EHD2: variants seen among roughly 807,000 people sequenced by gnomAD.
EHD2 encodes the protein EH domain containing 2.
Under a neutral mutation model 41.0 loss-of-function variants are expected in EHD2, and 27 were observed. That is an observed-to-expected ratio of 0.66 (90% CI 0.49 to 0.91). The LOEUF is 0.91. Among genes scored for constraint, EHD2 ranks in the 40% least tolerant of loss-of-function variants. The probability of loss-of-function intolerance (pLI) is 0.00; values close to 1 mark genes in which losing one functional copy is unlikely to be tolerated. For missense variants in EHD2, 673 were observed against 773.9 expected (o/e 0.87, Z 1.55); for synonymous variants, 342 against 341.0 (o/e 1.00, Z -0.03).
chr19:47,717,302 G>C (rs1973639590), intron 2 of EHD2, among the ~76,000 whole-genome samples: 1 of 152,014 alleles, frequency 6.6e-6, no homozygotes, highest in South Asian at 2.1e-4. Flanking sequence ...ACCTGCCTCA[G>C]CCTCCCAAAG....
chr19:47,739,274 ATTTTTTTTTTTTTT>A (rs57266469), intron 5 of EHD2, among the ~76,000 whole-genome samples: 7 of 116,060 alleles, frequency 6.0e-5, no homozygotes, highest in South Asian at 3.0e-4. Flanking sequence ...CTAATTTTTA[ATTTTTTTTTTTTTT>A]TTTTTTTTTT....
At chr19:47,731,724 GC>G (rs1426593622) in intron 4 of EHD2, among the ~76,000 whole-genome samples, 1 of 151,276 alleles carries the variant, frequency 6.6e-6, no homozygotes, top group East Asian at 1.9e-4. Context: ...AGCTCCCAGG[GC>G]CTCTTTTCTA....
chr19:47,725,857 A>G lies in EHD2; in HGVS notation c.548A>G (p.Asp183Gly), dbSNP rs754731075. 1.2e-6 allele frequency: 2 copies of G among 1,610,288 alleles called. No homozygotes were observed. The highest frequency in any genetic ancestry group is 1.3e-5 in the African/African-American group (1 of 74,938). ...CTGCGCTGGTTCGCGGAGCGCGTGG[A>G]CCTCATCATCCTGCTCTTTGATGCG... Reference protein sequence around the residue: ...AVLRWFAERVDLIILLFDAHK... With the variant: ...AVLRWFAERVGLIILLFDAHK... Residue 183 changes from aspartate (D) to glycine (G), a missense_variant, in exon 4 of 6, where the codon GAC (aspartate) becomes GGC (glycine). By Grantham distance (94) the Asp-to-Gly change is moderately conservative. Coordinates refer to ENST00000263277, the MANE Select transcript of EHD2 (RefSeq NM_014601.4).
At position 47,741,685 on chromosome 19, in the gene EHD2, A is replaced by G; in HGVS notation, c.*253A>G. 1 of 631,532 alleles carries G rather than the reference A, an allele frequency of 1.6e-6. No individual in the cohort carries two copies. Among genetic ancestry groups the G allele is most frequent in the Non-Finnish European group, 2.8e-6 (1 of 353,344 alleles). The allele number at this position is 631,532 out of a possible 1,614,324, so 39.1% of individuals were successfully genotyped here. The stretch of plus-strand genomic sequence containing the variant: ...TTAGGCACATCACACACACACTGGC[A>G]CACGCAGGCATCCATCCATCCGTCA... On this transcript the variant is annotated 3_prime_UTR_variant, in exon 6 of 6. Coordinates refer to ENST00000263277, the MANE Select transcript of EHD2 (RefSeq NM_014601.4). The surrounding 1 kb of genome is among the most constrained non-coding windows in gnomAD (Gnocchi z 4.5).
chr19:47,724,740 C>G (rs1303563532), intron 3 of EHD2, among the ~76,000 whole-genome samples: 1 of 152,086 alleles, frequency 6.6e-6, no homozygotes, highest in Non-Finnish European at 1.5e-5. Flanking sequence ...ATGAGACTCT[C>G]AGTAAGTATT....
chr19:47,726,495 C>T (rs576095289), intron 4 of EHD2, among the ~76,000 whole-genome samples: 63 of 151,562 alleles, frequency 4.2e-4, no homozygotes, highest in Middle Eastern at 3.4e-3. Context: ...TCCTCCTTCT[C>T]TTCTTCTTCT....
In EHD2 at chr19:47,739,674, C is replaced by T; in HGVS notation, c.1081-1207C>T. ...TGTTGTCCAGGCTGGTCTTGCACTC[C>T]TGGGCTCAAGTGATTCTCCCACCTC... On this transcript the variant is annotated intron_variant, in intron 5 of 5. Transcript: ENST00000263277. 2.0e-5 allele frequency among the ~76,000 whole-genome samples: 3 copies of T among 150,550 alleles called. 1 individual carries two copies. In the East Asian group the frequency reaches 5.9e-4, roughly 29 times the overall value.
In EHD2 at chr19:47,741,052, CA is replaced by C; in HGVS notation, c.1253del (p.His418ProfsTer29). ...GCAGGGGGGCGCTTTTGAGGGCACC[CA>C]CATGGGCCCGTTTGTGGAGCGGGGA... ...GVQGGAFEGT[H>X]MGPFVERGPD... On this transcript the variant is annotated frameshift_variant, in exon 6 of 6. Coordinates refer to ENST00000263277, the MANE Select transcript of EHD2 (RefSeq NM_014601.4). LOFTEE classifies it high-confidence loss of function. The surrounding 1 kb of genome is among the most constrained non-coding windows in gnomAD (Gnocchi z 4.5). 1 of 1,609,510 alleles carries C rather than the reference CA, an allele frequency of 6.2e-7. No homozygotes were observed. Among genetic ancestry groups the C allele is most frequent in the Non-Finnish European group, 8.5e-7 (1 of 1,179,488 alleles).
Position 47,725,852 on chromosome 19 carries a change from C to G in EHD2, c.543C>G (p.Arg181=). ...CCGTGCTGCGCTGGTTCGCGGAGCG[C>G]GTGGACCTCATCATCCTGCTCTTTG... ...FPAVLRWFAE[R]VDLIILLFDA... Residue 181 remains arginine, a synonymous_variant, in exon 4 of 6, where the codon CGC becomes CGG. Transcript: ENST00000263277. 1 of 1,609,210 alleles carries G rather than the reference C, an allele frequency of 6.2e-7. No individual in the cohort carries two copies. The highest frequency in any genetic ancestry group is 1.7e-5 in the Admixed American group (1 of 59,848).
rs1973634877 is a variant in EHD2, at chr19:47,716,931, G to A, written c.319G>A (p.Gly107Ser). Residue 107 changes from glycine to serine, a missense_variant, in exon 2 of 6, where the codon GGC (glycine) becomes AGC (serine). Physicochemically the swap from Gly to Ser is moderately conservative, Grantham distance 56 (BLOSUM62 0). Coordinates refer to ENST00000263277, the MANE Select transcript of EHD2 (RefSeq NM_014601.4). The stretch of plus-strand genomic sequence containing the variant: ...GGCCGTCATGCACGGGGACACTGAG[G>A]GCACCGTGCCCGGCAACGCCCTCGT... Reference protein sequence around the residue: ...FVAVMHGDTEGTVPGNALVVD... With the variant: ...FVAVMHGDTESTVPGNALVVD... 2 of 1,610,166 alleles carry A rather than the reference G, an allele frequency of 1.2e-6. No individual in the cohort carries two copies. Among genetic ancestry groups the A allele is most frequent in the Admixed American group, 3.3e-5 (2 of 59,992 alleles).
chr19:47,714,974 G>C (rs1973609753), intron 1 of EHD2, among the ~76,000 whole-genome samples: 1 of 151,858 alleles, frequency 6.6e-6, no homozygotes, highest in African/African-American at 2.4e-5. Context: ...AGAGGTGAAG[G>C]CTGCAGTGAG....
chr19:47,734,077 G>A (rs558390911), intron 4 of EHD2, among the ~76,000 whole-genome samples: 1 of 152,330 alleles, frequency 6.6e-6, no homozygotes, highest in Non-Finnish European at 1.5e-5. Context: ...GGCAGGATGG[G>A]GAGCTGGGAG....
rs1222254841 is a variant in EHD2, at chr19:47,741,958, C to T, written c.*526C>T. The T allele has an allele frequency of 2.2e-6, 1 of 455,982 alleles. No individual in the cohort carries two copies. Among genetic ancestry groups the T allele is most frequent in the Non-Finnish European group, 4.4e-6 (1 of 226,888 alleles). The allele number at this position is 455,982 out of a possible 1,614,324, so 28.2% of individuals were successfully genotyped here. A position where few individuals can be genotyped will look rare whatever the true frequency, so the allele number is the denominator to read the frequency against. On this transcript the variant is annotated 3_prime_UTR_variant, in exon 6 of 6. Transcript: ENST00000263277. The surrounding 1 kb of genome is among the most constrained non-coding windows in gnomAD (Gnocchi z 4.5). ...AACAGACCCCCTTCTGCTCCGCTTC[C>T]TCCTGCCCAGCCAGGCAACACCCTC...
In EHD2 at chr19:47,741,125, C is replaced by A; in HGVS notation, c.1325C>A (p.Ala442Asp). 1 of 1,611,406 alleles carries A rather than the reference C, an allele frequency of 6.2e-7. No homozygotes were observed. The highest frequency in any genetic ancestry group is 8.5e-7 in the Non-Finnish European group (1 of 1,179,974). Residue 442 changes from alanine to aspartate, a missense_variant, in exon 6 of 6, where the codon GCC (alanine) becomes GAC (aspartate). Physicochemically the swap from Ala to Asp is moderately radical, Grantham distance 126. Coordinates refer to ENST00000263277, the MANE Select transcript of EHD2 (RefSeq NM_014601.4). The surrounding 1 kb of genome is among the most constrained non-coding windows in gnomAD (Gnocchi z 4.5). ...GGCGAGGAGGGCTCGGACGACGAGG[C>A]CGAGTGGGTGGTGACCAAGGACAAG... ...EDGEEGSDDE[A>D]EWVVTKDKSK...
At chr19:47,736,296 G>T in intron 4 of EHD2, 73 bp from the exon 5 acceptor site, 1 of 1,434,962 alleles carries the variant, frequency 7.0e-7, no homozygotes, top group Non-Finnish European at 9.5e-7. Context: ...CTGGGAGTGG[G>T]GCCTGCAGCC....
intron 1 of EHD2, among the ~76,000 whole-genome samples, chr19:47,716,180 G>A (rs997396069): frequency 3.4e-5 from 5 of 148,512 alleles, no homozygotes; most frequent in Admixed American, 6.9e-5. Flanking sequence ...CTGAGCTCAA[G>A]CAATCCTCCT....
At chr19:47,736,199 GA>G (rs931972020) in intron 4 of EHD2, among the ~76,000 whole-genome samples, 169 bp from the exon 5 acceptor site, 1 of 149,276 alleles carries the variant, frequency 6.7e-6, no homozygotes, top group Non-Finnish European at 1.5e-5. Flanking sequence ...CCGTCTCAAA[GA>G]AAAAAAAAGA....
At chr19:47,737,003 G>T (rs1018803062) in intron 5 of EHD2, among the ~76,000 whole-genome samples, 1 of 151,972 alleles carries the variant, frequency 6.6e-6, no homozygotes, top group Non-Finnish European at 1.5e-5. Context: ...AGGCCGAGGC[G>T]GGCGGATCAC....
chr19:47,727,862 G>C (rs991958420), intron 4 of EHD2, among the ~76,000 whole-genome samples: 1 of 152,058 alleles, frequency 6.6e-6, no homozygotes, highest in Non-Finnish European at 1.5e-5. Flanking sequence ...GGGAGGCCGA[G>C]GGGGGAGCAG....
Sources: allele counts gnomAD v4.1 joint callset (sites outside exome capture counted in the v4.1 genomes callset), GRCh38; gene constraint gnomAD v4.1.1; non-coding constraint Gnocchi (gnomAD v3.1); transcripts MANE v1.5; gene names NCBI Gene and HGNC (gene_info 2026-07-23, HGNC 2026-07-21).